Variants in DLG2 observed in about 807,000 individuals in gnomAD.
DLG2 encodes discs large MAGUK scaffold protein 2.
Under a neutral mutation model 132.5 loss-of-function variants are expected in DLG2, and 45 were observed. The observed-to-expected ratio is 0.34, with a 90% CI of 0.27 to 0.44. DLG2 has a LOEUF of 0.44. Ranked by LOEUF, DLG2 falls within the 20% of genes least tolerant of loss-of-function variation. DLG2 has a pLI of 1.00. For synonymous variants in DLG2, 424 were observed against 419.6 expected (o/e 1.01, Z -0.13); for missense variants, 1,045 against 1,196.9 (o/e 0.87, Z 1.87).
intron 8 of DLG2, among the ~76,000 whole-genome samples, chr11:84,214,622 T>C (rs1308052279): frequency 6.6e-6 from 1 of 152,124 alleles, no homozygotes; most frequent in Non-Finnish European, 1.5e-5. Context: ...GTACAGCTTC[T>C]AAAAAGTATG....
chr11:84,580,070 A>G (rs1285643629), intron 6 of DLG2, among the ~76,000 whole-genome samples: 1 of 152,202 alleles, frequency 6.6e-6, no homozygotes, highest in Non-Finnish European at 1.5e-5. Flanking sequence ...TCTTGTTGGC[A>G]GACTTCTAGA....
chr11:83,810,643 A>G (rs2047024271), intron 17 of DLG2, among the ~76,000 whole-genome samples: 1 of 152,210 alleles, frequency 6.6e-6, no homozygotes, highest in South Asian at 2.1e-4. Context: ...CTGTGATTCT[A>G]TCTTGTGGTT....
chr11:84,150,877 G>T (rs1356674271), intron 9 of DLG2, among the ~76,000 whole-genome samples: 2 of 152,082 alleles, frequency 1.3e-5, no homozygotes, highest in Non-Finnish European at 2.9e-5. Context: ...TATGAATTTT[G>T]TTTTTAGTTC....
intron 6 of DLG2, among the ~76,000 whole-genome samples, chr11:84,754,152 A>G (rs1022526623): frequency 6.6e-6 from 1 of 152,228 alleles, no homozygotes; most frequent in African/African-American, 2.4e-5. Context: ...GGAAAGGGTA[A>G]AAGAAATTAA....
chr11:84,257,180 C>A (rs2097486377), intron 7 of DLG2, among the ~76,000 whole-genome samples: 1 of 152,094 alleles, frequency 6.6e-6, no homozygotes, highest in South Asian at 2.1e-4. Context: ...AAAAATGTGG[C>A]ATGGTTGGGG....
At chr11:85,348,751 T>G (rs1363813644) in intron 3 of DLG2, among the ~76,000 whole-genome samples, 1 of 152,112 alleles carries the variant, frequency 6.6e-6, no homozygotes, top group Non-Finnish European at 1.5e-5. Flanking sequence ...TTTGTCTACC[T>G]CACATTTACA....
At chr11:85,205,808 A>C (rs1357640553) in intron 4 of DLG2, among the ~76,000 whole-genome samples, 1 of 152,194 alleles carries the variant, frequency 6.6e-6, no homozygotes, top group Non-Finnish European at 1.5e-5. Flanking sequence ...TATCTATTCA[A>C]CTATATCTTC....
intron 18 of DLG2, among the ~76,000 whole-genome samples, chr11:83,714,243 T>C (rs941070717): frequency 1.3e-5 from 2 of 151,724 alleles, no homozygotes; most frequent in African/African-American, 4.8e-5. Flanking sequence ...GGGAAACAAT[T>C]GAGGAAGAGG....
intron 21 of DLG2, among the ~76,000 whole-genome samples, chr11:83,485,447 C>A (rs760666629): frequency 5.3e-5 from 8 of 152,096 alleles, no homozygotes; most frequent in Non-Finnish European, 7.4e-5. Flanking sequence ...TGACTACTAC[C>A]CTTGTTTGGC....
At chr11:84,007,649 CA>C (rs1168032465) in intron 11 of DLG2, among the ~76,000 whole-genome samples, 1 of 151,496 alleles carries the variant, frequency 6.6e-6, no homozygotes, top group African/African-American at 2.4e-5. Context: ...ACTATTGGAA[CA>C]AGTCACTTTT....
chr11:83,540,798 A>T (rs78983175), intron 20 of DLG2, among the ~76,000 whole-genome samples: 1,912 of 152,264 alleles, frequency 0.013, 42 homozygotes, highest in African/African-American at 0.043. Context: ...CAGCTTGAGA[A>T]AAGCTAGTGC....
At chr11:85,211,524 G>A (rs2082254627) in intron 4 of DLG2, among the ~76,000 whole-genome samples, 2 of 152,004 alleles carry the variant, frequency 1.3e-5, no homozygotes, top group Admixed American at 6.6e-5. Flanking sequence ...ATTTTCTTCA[G>A]GTATATAAAG....
At chr11:85,590,553 T>G (rs1412725088) in intron 3 of DLG2, among the ~76,000 whole-genome samples, 1 of 152,056 alleles carries the variant, frequency 6.6e-6, no homozygotes, top group African/African-American at 2.4e-5. Flanking sequence ...ATTGAAAAAT[T>G]TTTTTAGATA....
chr11:84,915,257 G>A (rs973226629), intron 6 of DLG2, among the ~76,000 whole-genome samples: 2 of 151,730 alleles, frequency 1.3e-5, no homozygotes, highest in Non-Finnish European at 2.9e-5. Context: ...AATATGAATT[G>A]TATTTCCCCC....
intron 6 of DLG2, among the ~76,000 whole-genome samples, chr11:84,848,032 G>A (rs2081703390): frequency 6.6e-6 from 1 of 152,104 alleles, no homozygotes; most frequent in East Asian, 1.9e-4. Flanking sequence ...CATTTTTTAT[G>A]GAAAAGTGAA....
chr11:85,626,074 C>CGA (rs2082015513), intron 2 of DLG2, among the ~76,000 whole-genome samples: 1 of 152,192 alleles, frequency 6.6e-6, no homozygotes, highest in East Asian at 1.9e-4. Flanking sequence ...GAAAGTTGTG[C>CGA]TTTATCACAA....
chr11:84,410,342 G>A (rs750528568), intron 7 of DLG2, among the ~76,000 whole-genome samples: 2 of 152,006 alleles, frequency 1.3e-5, no homozygotes, highest in African/African-American at 4.8e-5. Context: ...CACTCCCCAT[G>A]AGCATTTCAA....
At chr11:85,341,168 G>A (rs954342488) in intron 3 of DLG2, among the ~76,000 whole-genome samples, 39 of 152,074 alleles carry the variant, frequency 2.6e-4, no homozygotes, top group African/African-American at 8.9e-4. Flanking sequence ...GCCCAGGCTG[G>A]AGTGTAGTGG....
intron 6 of DLG2, among the ~76,000 whole-genome samples, chr11:84,754,036 T>A (rs552104895): frequency 1.3e-5 from 2 of 152,194 alleles, no homozygotes; most frequent in East Asian, 3.9e-4. Flanking sequence ...GGAGAAAAGC[T>A]TAACCAAAGT....
Sources: allele counts gnomAD v4.1 joint callset (sites outside exome capture counted in the v4.1 genomes callset), GRCh38; gene constraint gnomAD v4.1.1; transcripts MANE v1.5; gene names NCBI Gene and HGNC (gene_info 2026-07-23, HGNC 2026-07-21).